STARD13: variants seen among roughly 807,000 people sequenced by gnomAD.
STARD13 encodes the protein stAR-related lipid transfer protein 13.
Under a neutral mutation model 106.4 loss-of-function variants are expected in STARD13, and 62 were observed. The observed-to-expected ratio is 0.58, with a 90% CI of 0.48 to 0.72. The LOEUF is 0.72. Among genes scored for constraint, STARD13 ranks in the 30% least tolerant of loss-of-function variants. The pLI, the probability that STARD13 is intolerant of heterozygous loss-of-function variation, is 0.00. For synonymous variants in STARD13, 565 were observed against 553.0 expected, an observed-to-expected ratio of 1.02 and a Z score of -0.31; for missense variants, 1,387 against 1,424.0, an observed-to-expected ratio of 0.97 and a Z score of 0.42.
chr13:33,112,962 G>A (rs1443395480), intron 8 of STARD13, 31 bp from the exon 9 acceptor site: 2 of 1,556,646 alleles, frequency 1.3e-6, no homozygotes, highest in Non-Finnish European at 1.7e-6. Flanking sequence ...GGTCATTGGA[G>A]GAGCAGACAT....
At chr13:33,153,102 C>T (rs1881500864) in intron 3 of STARD13, among the ~76,000 whole-genome samples, 1 of 152,198 alleles carries the variant, frequency 6.6e-6, no homozygotes, top group Non-Finnish European at 1.5e-5. Context: ...ATAGTCTTCT[C>T]TAACATGAAG....
the STARD13 span, among the ~76,000 whole-genome samples, chr13:33,472,744 A>G: frequency 6.6e-6 from 1 of 152,226 alleles, no homozygotes; most frequent in Non-Finnish European, 1.5e-5. Flanking sequence ...ACAATGGCTT[A>G]GAAGCAGGTC....
At chr13:33,670,772 C>T in the STARD13 span, among the ~76,000 whole-genome samples, 2 of 152,168 alleles carry the variant, frequency 1.3e-5, no homozygotes, top group Non-Finnish European at 2.9e-5. Context: ...GCACCCTCTA[C>T]GTAAGTTCAT....
the STARD13 span, among the ~76,000 whole-genome samples, chr13:33,435,667 C>A: frequency 6.6e-6 from 1 of 152,142 alleles, no homozygotes; most frequent in Non-Finnish European, 1.5e-5. Context: ...GCTCTGGTTT[C>A]ACTGGAAAAA....
At chr13:33,639,796 C>T in the STARD13 span, among the ~76,000 whole-genome samples, 1 of 152,232 alleles carries the variant, frequency 6.6e-6, no homozygotes, top group East Asian at 1.9e-4. Context: ...CTTCCGTTTT[C>T]TGTACATCAC....
chr13:33,656,820 G>T, the STARD13 span: 2 of 152,236 alleles, frequency 1.3e-5, no homozygotes, highest in Non-Finnish European at 2.9e-5. Context: ...ACCTGCAAGG[G>T]ACAACTGTGG....
chr13:33,656,217 C>T, the STARD13 span, among the ~76,000 whole-genome samples: 3 of 152,112 alleles, frequency 2.0e-5, no homozygotes, highest in Non-Finnish European at 4.4e-5. Flanking sequence ...TTCTATACCC[C>T]GTGCTAGAAA....
At chr13:33,282,390 C>T (rs1891833198) in intron 1 of STARD13, among the ~76,000 whole-genome samples, 1 of 152,144 alleles carries the variant, frequency 6.6e-6, no homozygotes, top group South Asian at 2.1e-4. Flanking sequence ...ATAATGAATT[C>T]TGATTCTATG....
At chr13:33,509,493 A>G in the STARD13 span, among the ~76,000 whole-genome samples, 1 of 152,182 alleles carries the variant, frequency 6.6e-6, no homozygotes, top group Non-Finnish European at 1.5e-5. Context: ...CTACTCCAAA[A>G]GCCATCCCTA....
chr13:33,320,284 G>A (rs1256333731), intron 1 of STARD13, among the ~76,000 whole-genome samples: 1 of 152,190 alleles, frequency 6.6e-6, no homozygotes, highest in Non-Finnish European at 1.5e-5. Flanking sequence ...AGGAGCTGAG[G>A]GCTGTCCAGC....
the STARD13 span, among the ~76,000 whole-genome samples, chr13:33,485,523 T>G: frequency 1.3e-5 from 2 of 152,156 alleles, no homozygotes; most frequent in Non-Finnish European, 2.9e-5. Flanking sequence ...TATAAAGTAA[T>G]TTCCAGCCCT....
chr13:33,382,315 C>T, the STARD13 span, among the ~76,000 whole-genome samples: 1 of 152,126 alleles, frequency 6.6e-6, no homozygotes, highest in African/African-American at 2.4e-5. Flanking sequence ...GTGCTGTGCC[C>T]TGTCCCCTCC....
At chr13:33,548,851 T>C in the STARD13 span, among the ~76,000 whole-genome samples, 1 of 152,154 alleles carries the variant, frequency 6.6e-6, no homozygotes, top group Non-Finnish European at 1.5e-5. Context: ...GAGTAAAATA[T>C]ACATGCATCA....
the STARD13 span, among the ~76,000 whole-genome samples, chr13:33,379,914 C>G: frequency 1.4e-4 from 22 of 152,284 alleles, no homozygotes; most frequent in African/African-American, 5.1e-4. Flanking sequence ...AAGATCTATG[C>G]TAAGTGCTAA....
the STARD13 span, among the ~76,000 whole-genome samples, chr13:33,513,151 T>A: frequency 6.6e-6 from 1 of 152,202 alleles, no homozygotes; most frequent in Admixed American, 6.5e-5. Flanking sequence ...ATGTGCTGAC[T>A]GTTGACTTAT....
chr13:33,336,076 T>C (rs2077894066), intron 1 of STARD13: 1 of 152,226 alleles, frequency 6.6e-6, no homozygotes, highest in African/African-American at 2.4e-5. Flanking sequence ...CTGCAATGAA[T>C]AAGACATTAC....
intron 1 of STARD13, among the ~76,000 whole-genome samples, chr13:33,181,930 A>G (rs1021839738): frequency 6.6e-6 from 1 of 152,210 alleles, no homozygotes; most frequent in Non-Finnish European, 1.5e-5. Context: ...TTTTCCCACA[A>G]AAGAATCGGT....
At chr13:33,313,067 T>C (rs2321163) in intron 1 of STARD13, among the ~76,000 whole-genome samples, 142,883 of 152,294 alleles carry the variant, frequency 0.94, 67,687 homozygotes, top group East Asian at 1. Context: ...GAATGGCCAG[T>C]TTTGCTGTTG....
At chr13:33,509,117 G>A in the STARD13 span, among the ~76,000 whole-genome samples, 1 of 152,188 alleles carries the variant, frequency 6.6e-6, no homozygotes, top group Non-Finnish European at 1.5e-5. Context: ...TGACTTGACT[G>A]TAAATATCAA....
Sources: gnomAD v4.1 joint callset for allele counts (sites outside exome capture counted in the v4.1 genomes callset) on GRCh38, gnomAD v4.1.1 for gene constraint, MANE v1.5 for transcripts, NCBI Gene and HGNC (gene_info 2026-07-23, HGNC 2026-07-21) for gene names.